DPYD: variants seen among roughly 807,000 people sequenced by gnomAD.
DPYD encodes dihydropyrimidine dehydrogenase.
Under a neutral mutation model 116.2 loss-of-function variants are expected in DPYD, and 109 were observed. The ratio of observed to expected loss-of-function variants is 0.94; its 90% confidence interval spans 0.80 to 1.10. The LOEUF is 1.10. Ranked by LOEUF, DPYD falls within the 50% of genes least tolerant of loss-of-function variation. The pLI, the probability that DPYD is intolerant of heterozygous loss-of-function variation, is 0.00. For missense variants in DPYD, 1,302 were observed against 1,254.5 expected, an observed-to-expected ratio of 1.04 and a Z score of -0.57; for synonymous variants, 440 against 432.0, an observed-to-expected ratio of 1.02 and a Z score of -0.23.
At chr1:97,849,250 T>TATAGAATAAGATTAAATGAAC (rs1553251015) in intron 2 of DPYD, among the ~76,000 whole-genome samples, 1 of 152,192 alleles carries the variant, frequency 6.6e-6, no homozygotes, top group Non-Finnish European at 1.5e-5. Context: ...AATATAGACA[T>TATAGAATAAGATTAAATGAAC]ATAGAATAAG....
chr1:97,895,039 A>C (rs1040896013), intron 1 of DPYD, among the ~76,000 whole-genome samples: 8 of 151,882 alleles, frequency 5.3e-5, no homozygotes, highest in Admixed American at 3.9e-4. Context: ...TTACCAAAAA[A>C]ATTCACCAGT....
chr1:97,527,495 C>T (rs1284035382), intron 12 of DPYD, among the ~76,000 whole-genome samples: 1 of 152,100 alleles, frequency 6.6e-6, no homozygotes, highest in Non-Finnish European at 1.5e-5. Context: ...CATATACACA[C>T]ACATTGAAAA....
chr1:97,195,607 T>C (rs1230571976), intron 19 of DPYD, among the ~76,000 whole-genome samples: 3 of 118,736 alleles, frequency 2.5e-5, no homozygotes, highest in African/African-American at 9.6e-5. Context: ...TGTGTGTGTG[T>C]ATATATATGT....
At chr1:97,787,786 G>GT (rs1392471836) in intron 3 of DPYD, among the ~76,000 whole-genome samples, 1 of 152,164 alleles carries the variant, frequency 6.6e-6, no homozygotes, top group African/African-American at 2.4e-5. Flanking sequence ...ATATTTACAT[G>GT]TAAGTGCTAA....
intron 18 of DPYD, among the ~76,000 whole-genome samples, chr1:97,301,214 T>C (rs1057138008): frequency 6.6e-6 from 1 of 152,058 alleles, no homozygotes; most frequent in Non-Finnish European, 1.5e-5. Context: ...CAGAAAATCT[T>C]AAAAGCCATC....
At chr1:97,641,766 A>C (rs1657920124) in intron 8 of DPYD, among the ~76,000 whole-genome samples, 1 of 152,176 alleles carries the variant, frequency 6.6e-6, no homozygotes, top group African/African-American at 2.4e-5. Context: ...CAGGCAAGAG[A>C]AAGAAATAAA....
At chr1:97,695,332 T>C (rs917050991) in intron 6 of DPYD, among the ~76,000 whole-genome samples, 1 of 150,300 alleles carries the variant, frequency 6.7e-6, no homozygotes, top group Admixed American at 6.7e-5. Flanking sequence ...TCAATCTTAT[T>C]GTATAGACCA....
In DPYD at chr1:97,370,582, A is replaced by AT. The variant is rs1193274317; in HGVS notation, c.2058+2978dup. Reference sequence around the variant, plus strand: ...TCATGTATCCCAGAACTTAAAGCAAATTTTTTTTTAAAAAGAGCAACACAA... The same window carrying AT: ...TCATGTATCCCAGAACTTAAAGCAAATTTTTTTTTTAAAAAGAGCAACACAA... On this transcript the variant is annotated intron_variant, in intron 16 of 22. Coordinates refer to ENST00000370192, the MANE Select transcript of DPYD (RefSeq NM_000110.4). Among the ~76,000 whole-genome samples the AT allele has an allele frequency of 2.5e-4, 38 of 151,948 alleles. 1 individual carries two copies. Among genetic ancestry groups the AT allele is most frequent in the Admixed American group, 1.4e-3 (21 of 15,236 alleles).
chr1:97,085,498 A>AT (rs1479911484), intron 21 of DPYD, among the ~76,000 whole-genome samples: 1 of 152,184 alleles, frequency 6.6e-6, no homozygotes, highest in East Asian at 1.9e-4. Context: ...ATTAAGTACA[A>AT]TTTTTTAAGA....
chr1:97,663,038 C>A (rs893182247), intron 8 of DPYD, among the ~76,000 whole-genome samples: 5 of 152,198 alleles, frequency 3.3e-5, no homozygotes, highest in Admixed American at 2.6e-4. Context: ...TTACTCCCAA[C>A]AATCATGAAC....
intron 18 of DPYD, among the ~76,000 whole-genome samples, chr1:97,281,781 A>T (rs548814135): frequency 6.6e-6 from 1 of 152,062 alleles, no homozygotes; most frequent in South Asian, 2.1e-4. Context: ...TAGGACACAC[A>T]GGGAATAATT....
At chr1:97,612,806 C>G (rs1329217458) in intron 8 of DPYD, among the ~76,000 whole-genome samples, 1 of 151,928 alleles carries the variant, frequency 6.6e-6, no homozygotes, top group Non-Finnish European at 1.5e-5. Context: ...CTATGCTGCC[C>G]CCAGTGCTGA....
rs141989039 is a variant in DPYD, at chr1:97,460,767, G to A, written c.1741-10544C>T. Among the ~76,000 whole-genome samples, 12 of 152,176 alleles carry A rather than the reference G, an allele frequency of 7.9e-5. No individual in the cohort carries two copies. In the East Asian group the frequency reaches 2.3e-3, roughly 29 times the overall value. ...CAAAAGAAGAGACACGGCCAGGCAC[G>A]GTGGCTCATGCCTGTAATCCCAGCA... On this transcript the variant is annotated intron_variant, in intron 13 of 22. Transcript: ENST00000370192.
intron 3 of DPYD, among the ~76,000 whole-genome samples, chr1:97,744,369 G>A (rs1664432704): frequency 6.6e-6 from 1 of 151,918 alleles, no homozygotes; most frequent in African/African-American, 2.4e-5. Flanking sequence ...ACAGCATTTG[G>A]AATTGTAACC....
intron 14 of DPYD, among the ~76,000 whole-genome samples, chr1:97,404,459 T>G (rs1011217625): frequency 6.6e-6 from 1 of 152,110 alleles, no homozygotes; most frequent in Non-Finnish European, 1.5e-5. Context: ...TGGCATAGTT[T>G]GATGCTCTGT....
chr1:97,532,262 G>T (rs1327552012), intron 12 of DPYD, among the ~76,000 whole-genome samples: 1 of 152,000 alleles, frequency 6.6e-6, no homozygotes, highest in Non-Finnish European at 1.5e-5. Context: ...TCTTTTTAAT[G>T]TACTGTTGAA....
At chr1:97,155,472 G>A (rs1318206053) in intron 20 of DPYD, among the ~76,000 whole-genome samples, 1 of 151,996 alleles carries the variant, frequency 6.6e-6, no homozygotes, top group Non-Finnish European at 1.5e-5. Flanking sequence ...ACTCTTCCAT[G>A]ATTTGTCTCT....
chr1:97,762,517 C>T (rs956323785), intron 3 of DPYD, among the ~76,000 whole-genome samples: 4 of 151,980 alleles, frequency 2.6e-5, no homozygotes, highest in African/African-American at 9.7e-5. Flanking sequence ...CAATTATTTC[C>T]CCCTGCTTTT....
intron 1 of DPYD, among the ~76,000 whole-genome samples, chr1:97,905,608 A>G (rs2101694630): frequency 6.6e-6 from 1 of 152,138 alleles, no homozygotes; most frequent in Non-Finnish European, 1.5e-5. Flanking sequence ...ATTTGACATG[A>G]TGTAGAGAAG....
Sources: allele counts gnomAD v4.1 joint callset (sites outside exome capture counted in the v4.1 genomes callset), GRCh38; gene constraint gnomAD v4.1.1; transcripts MANE v1.5; gene names NCBI Gene and HGNC (gene_info 2026-07-23, HGNC 2026-07-21).